The following CRPPA variants were observed in gnomAD, a reference collection of about 807,000 sequenced individuals.
CRPPA encodes the protein CDP-L-ribitol pyrophosphorylase A.
CRPPA carries 43 observed loss-of-function variants against 52.0 expected under a neutral mutation model. That is an observed-to-expected ratio of 0.83 (90% CI 0.65 to 1.07). The LOEUF is 1.07. Among genes scored for constraint, CRPPA ranks in the 50% least tolerant of loss-of-function variants. The pLI is 0.00. For synonymous variants in CRPPA, 250 were observed against 203.5 expected, an observed-to-expected ratio of 1.23 and a Z score of -1.94; for missense variants, 629 against 551.7, an observed-to-expected ratio of 1.14 and a Z score of -1.40.
chr7:16,271,203 G>C (rs1221714053), intron 6 of CRPPA, among the ~76,000 whole-genome samples: 2 of 152,112 alleles, frequency 1.3e-5, no homozygotes, highest in East Asian at 1.9e-4. Context: ...TCAGAGTATA[G>C]ATCAGCATTC....
chr7:16,359,556 C>G (rs56399830), intron 3 of CRPPA, among the ~76,000 whole-genome samples: 44,228 of 152,006 alleles, frequency 0.29, 6,648 homozygotes, highest in Admixed American at 0.34. Context: ...TAACTTTTGT[C>G]CCCTCCTGAC....
In CRPPA at chr7:16,090,759, T is replaced by C. The variant is rs1036127945; in HGVS notation, c.*936A>G. On this transcript the variant is annotated 3_prime_UTR_variant, in exon 10 of 10. Transcript: ENST00000407010. ...AAAATAAATAGAGTAAGTGTATGTA[T>C]AGATTAAAAGTCACCTCTAATGAAT... The C allele has an allele frequency of 2.6e-5, 4 of 151,902 alleles. No individual in the cohort carries two copies. Among genetic ancestry groups the C allele is most frequent in the African/African-American group, 9.7e-5 (4 of 41,346 alleles). 9.4% of individuals were successfully genotyped at this position (151,902 alleles called of 1,614,324 possible).
chr7:16,283,455 A>C (rs1455644655), intron 5 of CRPPA, among the ~76,000 whole-genome samples: 2 of 150,314 alleles, frequency 1.3e-5, no homozygotes, highest in Non-Finnish European at 3.0e-5. Flanking sequence ...ATGACACTAT[A>C]AAGATGATAC....
intron 1 of CRPPA, among the ~76,000 whole-genome samples, chr7:16,419,108 C>A (rs1227526622): frequency 6.6e-6 from 1 of 152,130 alleles, no homozygotes; most frequent in East Asian, 1.9e-4. Flanking sequence ...CTCCCCACTA[C>A]CCAGAGAAAT....
At chr7:16,400,433 C>T (rs568549588) in intron 2 of CRPPA, among the ~76,000 whole-genome samples, 3 of 152,154 alleles carry the variant, frequency 2.0e-5, no homozygotes, top group Non-Finnish European at 4.4e-5. Context: ...GACATATGAT[C>T]GACTTGTGAT....
intron 9 of CRPPA, among the ~76,000 whole-genome samples, chr7:16,209,563 C>G (rs900822426): frequency 6.6e-6 from 1 of 151,972 alleles, no homozygotes. Flanking sequence ...TGAGCCATGG[C>G]GCCCAGCCCT....
At chr7:16,201,892 T>A (rs905317373) in intron 9 of CRPPA, among the ~76,000 whole-genome samples, 1 of 152,206 alleles carries the variant, frequency 6.6e-6, no homozygotes, top group Non-Finnish European at 1.5e-5. Flanking sequence ...ACTGTGCTAG[T>A]TAAAGCACCC....
chr7:16,091,851 G>T, intron 9 of CRPPA, 52 bp from the exon 10 acceptor site: 1 of 1,110,266 alleles, frequency 9.0e-7, no homozygotes, highest in Non-Finnish European at 1.3e-6. Context: ...TATGCCATGT[G>T]TTAAGTTTGA....
At chr7:16,344,177 A>C (rs1435065181) in intron 3 of CRPPA, among the ~76,000 whole-genome samples, 2 of 152,120 alleles carry the variant, frequency 1.3e-5, no homozygotes, top group Non-Finnish European at 2.9e-5. Context: ...AAAACCCAAG[A>C]GGTATGTAAA....
At chr7:16,162,604 G>A (rs1045990292) in intron 9 of CRPPA, among the ~76,000 whole-genome samples, 4 of 152,260 alleles carry the variant, frequency 2.6e-5, no homozygotes, top group South Asian at 4.1e-4. Context: ...CAATTATGTG[G>A]TCAATTTTAG....
Position 16,205,455 on chromosome 7 carries a change from A to G in CRPPA, c.1251+10611T>C, listed in dbSNP as rs140170881. ...ACTTGTTAAAAATTACACCCCCCAC[A>G]CCAGTTGTGTTTATGCAGTTGCTTA... On this transcript the variant is annotated intron_variant, in intron 9 of 9. Coordinates refer to ENST00000407010, the MANE Select transcript of CRPPA (RefSeq NM_001101426.4). Among the ~76,000 whole-genome samples the G allele has an allele frequency of 4.2e-3, 646 of 152,182 alleles. 7 individuals are homozygous for G. Among genetic ancestry groups the G allele is most frequent in the African/African-American group, 0.015 (619 of 41,520 alleles).
chr7:16,128,537 A>C (rs948301169), intron 9 of CRPPA, among the ~76,000 whole-genome samples: 1 of 152,176 alleles, frequency 6.6e-6, no homozygotes, highest in African/African-American at 2.4e-5. Context: ...TAATAGAAGA[A>C]GGATAAACCA....
intron 9 of CRPPA, among the ~76,000 whole-genome samples, chr7:16,110,678 A>C (rs1208001398): frequency 6.6e-6 from 1 of 152,142 alleles, no homozygotes; most frequent in Admixed American, 6.6e-5. Flanking sequence ...AAAGGTGCCA[A>C]GAACACATAA....
chr7:16,157,927 T>C (rs904674134), intron 9 of CRPPA, among the ~76,000 whole-genome samples: 2 of 151,946 alleles, frequency 1.3e-5, no homozygotes, highest in African/African-American at 2.4e-5. Flanking sequence ...CAGGCTGGAA[T>C]AGAGCAGTGC....
At chr7:16,252,849 C>T (rs937235331) in intron 8 of CRPPA, among the ~76,000 whole-genome samples, 1 of 152,084 alleles carries the variant, frequency 6.6e-6, no homozygotes, top group African/African-American at 2.4e-5. Flanking sequence ...TGTATGTGTT[C>T]AAGAATTTAT....
chr7:16,117,049 G>C (rs562443506), intron 9 of CRPPA, among the ~76,000 whole-genome samples: 2 of 152,130 alleles, frequency 1.3e-5, no homozygotes, highest in East Asian at 3.9e-4. Context: ...CTCAGACCTG[G>C]GCTGCAGACT....
chr7:16,300,527 A>G (rs966597041), intron 5 of CRPPA, among the ~76,000 whole-genome samples: 5 of 152,172 alleles, frequency 3.3e-5, no homozygotes, highest in African/African-American at 1.2e-4. Context: ...GTGGTTCTCT[A>G]TCAGTGGAGA....
intron 3 of CRPPA, among the ~76,000 whole-genome samples, chr7:16,362,306 G>C (rs1050430375): frequency 1.3e-5 from 2 of 152,156 alleles, no homozygotes; most frequent in African/African-American, 4.8e-5. Context: ...TTGATGTCTG[G>C]GGAAAGCATC....
chr7:16,138,485 T>G (rs1157504738), intron 9 of CRPPA, among the ~76,000 whole-genome samples: 1 of 152,142 alleles, frequency 6.6e-6, no homozygotes, highest in Non-Finnish European at 1.5e-5. Flanking sequence ...ATATCCAAAT[T>G]ATACTGCAAG....
Sources: allele counts gnomAD v4.1 joint callset (sites outside exome capture counted in the v4.1 genomes callset), GRCh38; gene constraint gnomAD v4.1.1; transcripts MANE v1.5; gene names NCBI Gene and HGNC (gene_info 2026-07-23, HGNC 2026-07-21).